The following PDZD2 variants were observed in gnomAD, a reference collection of about 807,000 sequenced individuals.
PDZD2 encodes the protein PDZ domain containing 2.
Under a neutral mutation model 220.7 loss-of-function variants are expected in PDZD2, and 90 were observed. That is an observed-to-expected ratio of 0.41 (90% confidence interval 0.34 to 0.49). The LOEUF (loss-of-function observed/expected upper bound fraction) is 0.49. Among genes scored for constraint, PDZD2 ranks in the 20% least tolerant of loss-of-function variants. The pLI, the probability that PDZD2 is intolerant of heterozygous loss-of-function variation, is 0.28. For missense variants in PDZD2, 3,174 were observed against 3,608.5 expected, an observed-to-expected ratio of 0.88 and a Z score of 3.08; for synonymous variants, 1,375 against 1,450.5, an observed-to-expected ratio of 0.95 and a Z score of 1.18.
intron 2 of PDZD2, among the ~76,000 whole-genome samples, chr5:31,962,624 T>C (rs1165767752): frequency 6.6e-6 from 1 of 152,192 alleles, no homozygotes; most frequent in Non-Finnish European, 1.5e-5. Flanking sequence ...AGTCCTGAAC[T>C]GGGACTGCTG....
At chr5:31,647,550 A>G (rs1745180391) in intron 1 of PDZD2, among the ~76,000 whole-genome samples, 1 of 152,158 alleles carries the variant, frequency 6.6e-6, no homozygotes, top group Non-Finnish European at 1.5e-5. Flanking sequence ...GCACTGCTTC[A>G]GCCCAGTCTA....
chr5:32,075,210 A>T (rs1197539102), intron 18 of PDZD2, among the ~76,000 whole-genome samples: 1 of 152,226 alleles, frequency 6.6e-6, no homozygotes. Context: ...ACCTGTGGCT[A>T]ATGATGGAAA....
At chr5:31,968,534 T>C (rs1748971945) in intron 2 of PDZD2, among the ~76,000 whole-genome samples, 2 of 151,814 alleles carry the variant, frequency 1.3e-5, no homozygotes, top group Admixed American at 1.3e-4. Context: ...ATGCCTGTAA[T>C]CCCAGCTACT....
chr5:31,770,360 A>T (rs528794385), intron 1 of PDZD2, among the ~76,000 whole-genome samples: 1 of 152,284 alleles, frequency 6.6e-6, no homozygotes, highest in African/African-American at 2.4e-5. Context: ...ATTGAATAGG[A>T]TTCCCCATAT....
At chr5:32,070,903 G>GCTTGAACCCGGGAGGC (rs1561501148) in intron 15 of PDZD2, among the ~76,000 whole-genome samples, 65 of 151,602 alleles carry the variant, frequency 4.3e-4, no homozygotes, top group African/African-American at 1.5e-3. Flanking sequence ...GCTGAGACAG[G>GCTTGAACCCGGGAGGC]AGAGGTTTCA....
chr5:31,880,990 C>CG (rs1739845475), intron 2 of PDZD2, among the ~76,000 whole-genome samples: 1 of 151,298 alleles, frequency 6.6e-6, no homozygotes, highest in South Asian at 2.1e-4. Context: ...TTAGTAGAGA[C>CG]GGGGTTTCAC....
chr5:31,866,121 C>G (rs1738208533), intron 2 of PDZD2, among the ~76,000 whole-genome samples: 2 of 152,034 alleles, frequency 1.3e-5, no homozygotes, highest in South Asian at 4.1e-4. Flanking sequence ...CCCACCTCAG[C>G]CTCACGAGCT....
intron 1 of PDZD2, among the ~76,000 whole-genome samples, chr5:31,720,091 T>C (rs186968635): frequency 6.6e-6 from 1 of 152,338 alleles, no homozygotes; most frequent in African/African-American, 2.4e-5. Context: ...TGCTCAGCTG[T>C]TGTCTCCTGA....
Position 31,904,247 on chromosome 5 carries a change from G to GTGA in PDZD2, c.477-78907_477-78905dup, listed in dbSNP as rs755521125. On this transcript the variant is annotated intron_variant, in intron 2 of 24. Coordinates refer to ENST00000438447, the MANE Select transcript of PDZD2 (RefSeq NM_178140.4). ...TTACAAGTTGCTGAAGGTTAACATAGTGAAATCAGCCACAAATGTTAAAAA... is the reference window on the plus strand; with the variant it reads ...TTACAAGTTGCTGAAGGTTAACATAGTGATGAAATCAGCCACAAATGTTAAAAA... Among the ~76,000 whole-genome samples, 45 of 152,084 alleles carry GTGA rather than the reference G, an allele frequency of 3.0e-4. 1 individual carries two copies. Among genetic ancestry groups the GTGA allele is most frequent in the Non-Finnish European group, 3.5e-4 (24 of 68,034 alleles).
At chr5:31,896,035 T>C (rs1445595667) in intron 2 of PDZD2, among the ~76,000 whole-genome samples, 1 of 152,180 alleles carries the variant, frequency 6.6e-6, no homozygotes, top group Non-Finnish European at 1.5e-5. Context: ...GTTGGAATTT[T>C]AAGAATTGTG....
intron 2 of PDZD2, among the ~76,000 whole-genome samples, chr5:31,883,235 T>C (rs1479716993): frequency 6.8e-6 from 1 of 147,088 alleles, no homozygotes; most frequent in African/African-American, 2.5e-5. Context: ...TTTTTTTTTT[T>C]TTTGAGATGG....
At chr5:31,664,912 C>T (rs1478507459) in intron 1 of PDZD2, 1 of 152,194 alleles carries the variant, frequency 6.6e-6, no homozygotes, top group Non-Finnish European at 1.5e-5. Flanking sequence ...TCTGAAGTGC[C>T]TTGGGTTGGA....
intron 1 of PDZD2, among the ~76,000 whole-genome samples, chr5:31,751,813 C>G (rs188466702): frequency 2.3e-4 from 35 of 152,162 alleles, no homozygotes; most frequent in African/African-American, 7.9e-4. Flanking sequence ...TTCTGCATCA[C>G]TCAGCTGTCA....
intron 2 of PDZD2, among the ~76,000 whole-genome samples, chr5:31,882,124 T>G (rs1739986850): frequency 1.3e-5 from 2 of 152,212 alleles, no homozygotes; most frequent in Non-Finnish European, 2.9e-5. Flanking sequence ...TCATAACTGA[T>G]AAACTCTAGT....
At chr5:31,691,656 GC>G (rs1487130016) in intron 1 of PDZD2, among the ~76,000 whole-genome samples, 1 of 152,130 alleles carries the variant, frequency 6.6e-6, no homozygotes, top group Admixed American at 6.5e-5. Flanking sequence ...TTTTGACAGG[GC>G]ACTGATTGGA....
intron 1 of PDZD2, among the ~76,000 whole-genome samples, chr5:31,651,634 A>ATTTTTT (rs1561363695): frequency 6.7e-6 from 1 of 149,178 alleles, no homozygotes; most frequent in African/African-American, 2.6e-5. Flanking sequence ...TTATTTATTT[A>ATTTTTT]TTTATTTATT....
At chr5:32,099,260 G>A (rs1172769086) in intron 23 of PDZD2, 2 of 152,418 alleles carry the variant, frequency 1.3e-5, no homozygotes, top group East Asian at 1.9e-4. Context: ...GATGTCTGGA[G>A]TGCCGTGCAT....
At chr5:31,886,835 C>G (rs1486758673) in intron 2 of PDZD2, among the ~76,000 whole-genome samples, 1 of 152,118 alleles carries the variant, frequency 6.6e-6, no homozygotes, top group African/African-American at 2.4e-5. Context: ...GTAGCTGGCA[C>G]TACAGGCGCC....
At chr5:31,893,820 A>G (rs1400782917) in intron 2 of PDZD2, among the ~76,000 whole-genome samples, 5 of 152,190 alleles carry the variant, frequency 3.3e-5, no homozygotes, top group Non-Finnish European at 7.3e-5. Flanking sequence ...AAATTGGCTT[A>G]GACATTTGTT....
Sources: allele counts gnomAD v4.1 joint callset (sites outside exome capture counted in the v4.1 genomes callset), GRCh38; gene constraint gnomAD v4.1.1; transcripts MANE v1.5; gene names NCBI Gene and HGNC (gene_info 2026-07-23, HGNC 2026-07-21).